The following C1QTNF3 variants were observed in gnomAD, a reference collection of about 807,000 sequenced individuals.
The protein encoded by C1QTNF3 is complement C1q tumor necrosis factor-related protein 3.
A neutral mutation model predicts 32.6 loss-of-function variants in C1QTNF3; 26 were observed. The ratio of observed to expected loss-of-function variants is 0.80; its 90% CI spans 0.58 to 1.11. The LOEUF is 1.11. C1QTNF3 is among the 50% of genes least tolerant of loss of function. The probability of loss-of-function intolerance (pLI) is 0.00; values close to 1 mark genes in which losing one functional copy is unlikely to be tolerated. For missense variants in C1QTNF3, 362 were observed against 398.2 expected, an observed-to-expected ratio of 0.91 and a Z score of 0.77; for synonymous variants, 155 against 146.0, an observed-to-expected ratio of 1.06 and a Z score of -0.44.
the C1QTNF3 span, among the ~76,000 whole-genome samples, chr5:34,159,555 A>C: frequency 6.6e-6 from 1 of 152,100 alleles, no homozygotes; most frequent in Admixed American, 6.5e-5. Context: ...TCCAGAAACA[A>C]TTTATAGTGT....
the C1QTNF3 span, among the ~76,000 whole-genome samples, chr5:34,086,551 G>GT: frequency 1.5e-5 from 2 of 134,770 alleles, no homozygotes; most frequent in African/African-American, 5.6e-5. Context: ...AGCATACACA[G>GT]TATCAGCACA....
At chr5:34,178,313 C>A in the C1QTNF3 span, among the ~76,000 whole-genome samples, 2 of 152,208 alleles carry the variant, frequency 1.3e-5, no homozygotes, top group African/African-American at 4.8e-5. Flanking sequence ...GTTACCTTTT[C>A]AAAGAGAATG....
the C1QTNF3 span, among the ~76,000 whole-genome samples, chr5:34,203,846 G>T: frequency 6.6e-6 from 1 of 151,606 alleles, no homozygotes; most frequent in Non-Finnish European, 1.5e-5. Context: ...ATGTAATGGA[G>T]ACTAAAAGCA....
Position 34,028,820 on chromosome 5 carries a change from T to G in C1QTNF3, c.634A>C (p.Ser212Arg), listed in dbSNP as rs749014950. The G allele has an allele frequency of 6.2e-7, 1 of 1,613,628 alleles. No individual in the cohort carries two copies. The change falls in exon 4 of 6, where the codon AGT (serine) becomes CGT (arginine). Residue 212 changes from serine (S) to arginine (R), a missense_variant. Coordinates refer to ENST00000382065, the MANE Select transcript of C1QTNF3 (RefSeq NM_181435.6). Reference sequence around the variant, plus strand: ...AAGTTTCCAATGTTGGTCTCAACACTGCTGAAGATAATCCCACTGTTCTGA... The same window carrying G: ...AAGTTTCCAATGTTGGTCTCAACACGGCTGAAGATAATCCCACTGTTCTGA... The part of the protein sequence containing the change: ...SNQNSGIIFS[S>R]VETNIGNFFD...
the C1QTNF3 span, among the ~76,000 whole-genome samples, chr5:34,099,140 T>C: frequency 2.6e-5 from 4 of 152,128 alleles, no homozygotes; most frequent in East Asian, 3.9e-4. Flanking sequence ...AAAATTAAGA[T>C]TGGATGCATG....
the C1QTNF3 span, among the ~76,000 whole-genome samples, chr5:34,240,385 C>A: frequency 6.7e-6 from 1 of 149,410 alleles, no homozygotes. Context: ...GCTAGATAAA[C>A]AAAGAAAAAA....
chr5:34,153,983 ATAGAT>A, the C1QTNF3 span, among the ~76,000 whole-genome samples: 119 of 151,960 alleles, frequency 7.8e-4, no homozygotes, highest in African/African-American at 9.6e-4. Flanking sequence ...ATTAGATAGT[ATAGAT>A]TAATCACATA....
chr5:34,213,052 T>C, the C1QTNF3 span, among the ~76,000 whole-genome samples: 2 of 152,202 alleles, frequency 1.3e-5, no homozygotes, highest in East Asian at 3.8e-4. Context: ...TAAAAACAAC[T>C]AAGAGTGGAT....
chr5:34,231,162 T>G, the C1QTNF3 span, among the ~76,000 whole-genome samples: 1 of 152,188 alleles, frequency 6.6e-6, no homozygotes, highest in African/African-American at 2.4e-5. Context: ...AACTTAGTTT[T>G]GCTTTAATAA....
At chr5:34,066,818 C>A in the C1QTNF3 span, among the ~76,000 whole-genome samples, 56 of 152,294 alleles carry the variant, frequency 3.7e-4, no homozygotes, top group African/African-American at 1.3e-3. Context: ...TTATGCAAAT[C>A]TCTGCAGCTG....
At chr5:34,153,867 A>AC in the C1QTNF3 span, among the ~76,000 whole-genome samples, 1,669 of 149,678 alleles carry the variant, frequency 0.011, 24 homozygotes, top group South Asian at 0.03. Flanking sequence ...AAAAAAAAAA[A>AC]AAAAAAAACA....
At chr5:34,045,630 G>A (rs941395632), upstream of C1QTNF3, among the ~76,000 whole-genome samples, 6 of 152,116 alleles carry the variant, frequency 3.9e-5, no homozygotes, top group Non-Finnish European at 5.9e-5. Flanking sequence ...CTTGTGTTAT[G>A]CAGCTGGAAA....
At chr5:34,124,758 A>G in the C1QTNF3 span, among the ~76,000 whole-genome samples, 1 of 152,216 alleles carries the variant, frequency 6.6e-6, no homozygotes, top group Non-Finnish European at 1.5e-5. Context: ...ATTCAAGGAC[A>G]AGTGAGGAAG....
At chr5:34,183,247 G>T in the C1QTNF3 span, among the ~76,000 whole-genome samples, 18 of 151,692 alleles carry the variant, frequency 1.2e-4, no homozygotes, top group African/African-American at 4.4e-4. Context: ...AAAGTGCTGG[G>T]ATTACAGGCT....
the C1QTNF3 span, chr5:34,168,003 T>C: frequency 6.6e-6 from 1 of 151,930 alleles, no homozygotes; most frequent in Admixed American, 6.6e-5. Flanking sequence ...ATAAAACATG[T>C]TTCTTTTTTC....
At chr5:34,090,881 C>G in the C1QTNF3 span, among the ~76,000 whole-genome samples, 1 of 152,264 alleles carries the variant, frequency 6.6e-6, no homozygotes, top group East Asian at 1.9e-4. Context: ...GTGTAATAAA[C>G]TTGTTTATAA....
At chr5:34,186,951 A>G in the C1QTNF3 span, among the ~76,000 whole-genome samples, 7,803 of 118,790 alleles carry the variant, frequency 0.066, 6 homozygotes, top group East Asian at 0.094. Flanking sequence ...GTCAAAACAT[A>G]CTGACATAGT....
chr5:34,046,361 G>T (rs1264262568), upstream of C1QTNF3, among the ~76,000 whole-genome samples: 2 of 152,128 alleles, frequency 1.3e-5, no homozygotes, highest in Non-Finnish European at 2.9e-5. Flanking sequence ...GTCTTTAAAG[G>T]TGATCAACTT....
the C1QTNF3 span, among the ~76,000 whole-genome samples, chr5:34,112,374 T>C: frequency 6.6e-6 from 1 of 151,978 alleles, no homozygotes; most frequent in Non-Finnish European, 1.5e-5. Context: ...TCAACAACTT[T>C]CCTGGCAGGG....
Sources: gnomAD v4.1 joint callset for allele counts (sites outside exome capture counted in the v4.1 genomes callset) on GRCh38, gnomAD v4.1.1 for gene constraint, MANE v1.5 for transcripts, NCBI Gene and HGNC (gene_info 2026-07-23, HGNC 2026-07-21) for gene names.